Variants in WDFY2 observed in about 807,000 individuals in gnomAD.
WDFY2 encodes the protein WD repeat and FYVE domain containing 2, also known as WD repeat and FYVE domain-containing protein 2.
In WDFY2, 36 loss-of-function variants were observed where a neutral mutation model predicts 56.4. The ratio of observed to expected loss-of-function variants is 0.64; its 90% CI spans 0.49 to 0.84. The LOEUF is 0.84. Ranked by LOEUF, WDFY2 falls within the 40% of genes least tolerant of loss-of-function variation. WDFY2 has a pLI of 0.00. For synonymous variants in WDFY2, 176 were observed against 183.7 expected (o/e 0.96, Z 0.34); for missense variants, 444 against 512.2 (o/e 0.87, Z 1.29).
intron 1 of WDFY2, chr13:51,588,933 C>T (rs910101969): frequency 6.6e-6 from 1 of 152,122 alleles, no homozygotes; most frequent in African/African-American, 2.4e-5. Flanking sequence ...GGAGAGATAA[C>T]TATAGAGAAG....
intron 1 of WDFY2, among the ~76,000 whole-genome samples, chr13:51,623,354 G>C (rs1365240781): frequency 6.6e-6 from 1 of 152,092 alleles, no homozygotes; most frequent in South Asian, 2.1e-4. Flanking sequence ...ATGAAAAGGA[G>C]GCTGGAGGAG....
At chr13:51,682,186 C>T (rs920593074) in intron 3 of WDFY2, among the ~76,000 whole-genome samples, 1 of 152,186 alleles carries the variant, frequency 6.6e-6, no homozygotes, top group Non-Finnish European at 1.5e-5. Flanking sequence ...CATTTATGCA[C>T]TATCTACAGG....
At chr13:51,584,882 G>A in intron 1 of WDFY2, 58 bp downstream of exon 1, 1 of 1,601,426 alleles carries the variant, frequency 6.2e-7, no homozygotes, top group East Asian at 2.2e-5. Flanking sequence ...CGGCCCTCGA[G>A]CCCGCGTCAG....
chr13:51,608,678 TAAAAA>T (rs969982455), intron 1 of WDFY2, among the ~76,000 whole-genome samples: 1 of 152,116 alleles, frequency 6.6e-6, no homozygotes, highest in Non-Finnish European at 1.5e-5. Flanking sequence ...GAGACTGTCT[TAAAAA>T]AAGAAAAAGA....
At chr13:51,615,710 TTAAG>T (rs1951083803) in intron 1 of WDFY2, among the ~76,000 whole-genome samples, 2 of 152,248 alleles carry the variant, frequency 1.3e-5, no homozygotes, top group Admixed American at 1.3e-4. Flanking sequence ...TAGAAAGCTG[TTAAG>T]TAACGACTTT....
chr13:51,670,834 AGTGTACCCAGT>A (rs1447744401), intron 2 of WDFY2, among the ~76,000 whole-genome samples: 2 of 152,208 alleles, frequency 1.3e-5, no homozygotes, highest in East Asian at 3.9e-4. Flanking sequence ...TCACCCGACC[AGTGTACCCAGT>A]GTGTAGTCTT....
chr13:51,622,787 G>A (rs1027611174), intron 1 of WDFY2, among the ~76,000 whole-genome samples: 2 of 151,766 alleles, frequency 1.3e-5, no homozygotes, highest in Non-Finnish European at 2.9e-5. Flanking sequence ...GGGAAAATAA[G>A]GATGATCATG....
Position 51,694,957 on chromosome 13 carries a change from C to G in WDFY2, c.280-8639C>G, listed in dbSNP as rs570072268. On this transcript the variant is annotated intron_variant, in intron 3 of 11. Coordinates refer to ENST00000298125, the MANE Select transcript of WDFY2 (RefSeq NM_052950.4). ...TGATCTTCCATCACTGATACCCTTT[C>G]TTCCAGTTGATCGCATCGGCTCCTG... Among the ~76,000 whole-genome samples, 11 of 152,324 alleles carry G rather than the reference C, an allele frequency of 7.2e-5. 1 individual carries two copies. In the South Asian group the frequency reaches 2.3e-3, roughly 32 times the overall value.
chr13:51,596,693 A>G (rs1412725451), intron 1 of WDFY2, among the ~76,000 whole-genome samples: 2 of 152,190 alleles, frequency 1.3e-5, no homozygotes, highest in African/African-American at 4.8e-5. Flanking sequence ...AGACCAGAAC[A>G]TACACCACAA....
intron 1 of WDFY2, among the ~76,000 whole-genome samples, chr13:51,631,890 T>C (rs534702337): frequency 3.0e-4 from 46 of 152,324 alleles, no homozygotes; most frequent in South Asian, 6.2e-4. Context: ...CTTCTATTTA[T>C]CTTTTACTTT....
At chr13:51,618,777 G>C (rs1027380837) in intron 1 of WDFY2, among the ~76,000 whole-genome samples, 1 of 152,152 alleles carries the variant, frequency 6.6e-6, no homozygotes. Context: ...TCTGAACACA[G>C]AACATCTCAG....
chr13:51,668,095 G>C, intron 2 of WDFY2, among the ~76,000 whole-genome samples: 1 of 151,670 alleles, frequency 6.6e-6, no homozygotes, highest in Non-Finnish European at 1.5e-5. Context: ...GTTTCACTGT[G>C]GTCTCGATCT....
At chr13:51,604,175 G>T (rs1356684330) in intron 1 of WDFY2, among the ~76,000 whole-genome samples, 1 of 152,150 alleles carries the variant, frequency 6.6e-6, no homozygotes, top group Admixed American at 6.5e-5. Flanking sequence ...CCAGTCTTTT[G>T]TGCTGTAAAG....
intron 10 of WDFY2, 31 bp downstream of exon 10, chr13:51,756,493 G>A (rs1953387299): frequency 6.3e-7 from 1 of 1,599,164 alleles, no homozygotes; most frequent in Non-Finnish European, 8.5e-7. Context: ...GACCGCTTCA[G>A]GTTAAGGCGA....
intron 4 of WDFY2, among the ~76,000 whole-genome samples, chr13:51,716,419 G>A (rs1367280096): frequency 6.6e-6 from 1 of 152,144 alleles, no homozygotes; most frequent in African/African-American, 2.4e-5. Context: ...TGGGCCGGGC[G>A]CGGTGGCTCA....
At chr13:51,587,429 T>G (rs1282357919) in intron 1 of WDFY2, 1 of 152,232 alleles carries the variant, frequency 6.6e-6, no homozygotes, top group African/African-American at 2.4e-5. Context: ...TTGCTGTTCC[T>G]GAAAGCACAG....
At chr13:51,674,111 C>G (rs1401293544) in intron 2 of WDFY2, among the ~76,000 whole-genome samples, 1 of 152,034 alleles carries the variant, frequency 6.6e-6, no homozygotes, top group African/African-American at 2.4e-5. Flanking sequence ...TGAATGATGT[C>G]TTTGAACCTT....
intron 2 of WDFY2, among the ~76,000 whole-genome samples, chr13:51,672,106 G>C (rs573002536): frequency 6.6e-6 from 1 of 152,210 alleles, no homozygotes; most frequent in South Asian, 2.1e-4. Context: ...TGGGTTCTTG[G>C]TCATGAAGTC....
intron 1 of WDFY2, among the ~76,000 whole-genome samples, chr13:51,655,445 G>A (rs1392041652): frequency 6.6e-6 from 1 of 151,716 alleles, no homozygotes; most frequent in Admixed American, 6.6e-5. Context: ...TGTCTGTTGA[G>A]GGGTGTGTGT....
Sources: gnomAD v4.1 joint callset for allele counts (sites outside exome capture counted in the v4.1 genomes callset) on GRCh38, gnomAD v4.1.1 for gene constraint, MANE v1.5 for transcripts, NCBI Gene and HGNC (gene_info 2026-07-23, HGNC 2026-07-21) for gene names.